Variants in TIAM1 observed in about 807,000 individuals in gnomAD.
TIAM1 encodes the protein rho guanine nucleotide exchange factor TIAM1.
TIAM1 carries 65 observed loss-of-function variants against 163.5 expected under a neutral mutation model. The ratio of observed to expected loss-of-function variants is 0.40; its 90% CI spans 0.33 to 0.49. The LOEUF (loss-of-function observed/expected upper bound fraction) is 0.49. Among genes scored for constraint, TIAM1 ranks in the 20% least tolerant of loss-of-function variants. The pLI is 0.77. For missense variants in TIAM1, 1,789 were observed against 2,044.7 expected, an observed-to-expected ratio of 0.87 and a Z score of 2.41; for synonymous variants, 833 against 810.1, an observed-to-expected ratio of 1.03 and a Z score of -0.48.
At chr21:31,338,182 G>A (rs933877607) in intron 2 of TIAM1, among the ~76,000 whole-genome samples, 7 of 152,218 alleles carry the variant, frequency 4.6e-5, no homozygotes, top group East Asian at 1.9e-4. Context: ...CAGGCAGAGC[G>A]GAGCAGCAGG....
At chr21:31,195,625 T>G (rs574860489) in intron 12 of TIAM1, among the ~76,000 whole-genome samples, 1 of 152,262 alleles carries the variant, frequency 6.6e-6, no homozygotes, top group East Asian at 1.9e-4. Context: ...AGAAAAAGTT[T>G]ATTAAAATCA....
intron 6 of TIAM1, among the ~76,000 whole-genome samples, chr21:31,241,143 C>T (rs1418590155): frequency 6.6e-6 from 1 of 152,182 alleles, no homozygotes; most frequent in Non-Finnish European, 1.5e-5. Flanking sequence ...ACTGTGAGTC[C>T]ATTAAACCTC....
intron 16 of TIAM1, among the ~76,000 whole-genome samples, chr21:31,162,350 A>G (rs1272285522): frequency 6.6e-6 from 1 of 152,256 alleles, no homozygotes; most frequent in Admixed American, 6.5e-5. Context: ...AACACACAGT[A>G]GAACCCAGCC....
intron 11 of TIAM1, among the ~76,000 whole-genome samples, chr21:31,203,485 G>A (rs561646101): frequency 7.5e-4 from 114 of 152,332 alleles, no homozygotes; most frequent in Non-Finnish European, 1.4e-3. Flanking sequence ...AGTTTACATC[G>A]TAAATGCAAA....
At chr21:31,253,911 C>T (rs2071952383) in intron 4 of TIAM1, among the ~76,000 whole-genome samples, 2 of 152,142 alleles carry the variant, frequency 1.3e-5, no homozygotes, top group Admixed American at 1.3e-4. Flanking sequence ...CATATGCTTC[C>T]CTCTTGATAC....
At chr21:31,375,488 G>A (rs1277636707) in intron 2 of TIAM1, among the ~76,000 whole-genome samples, 7 of 368 alleles carry the variant, frequency 0.019, no homozygotes, top group South Asian at 0.071. Flanking sequence ...TTTCCCCTTC[G>A]TCCACCTTTC....
intron 8 of TIAM1, among the ~76,000 whole-genome samples, chr21:31,220,658 G>A (rs2087505905): frequency 6.6e-6 from 1 of 152,160 alleles, no homozygotes; most frequent in Admixed American, 6.5e-5. Context: ...CTTATAAGCA[G>A]TAATTCTAAA....
intron 14 of TIAM1, among the ~76,000 whole-genome samples, chr21:31,185,268 C>A (rs2085226415): frequency 6.6e-6 from 1 of 151,520 alleles, no homozygotes; most frequent in South Asian, 2.1e-4. Context: ...CGAATAGAGT[C>A]CCTGTCCACC....
intron 25 of TIAM1, among the ~76,000 whole-genome samples, chr21:31,127,632 G>A (rs2082258467): frequency 6.6e-6 from 1 of 151,982 alleles, no homozygotes; most frequent in South Asian, 2.1e-4. Context: ...TGGTTAGGCT[G>A]GTCTCGAACT....
At chr21:31,312,239 T>G (rs2074957230) in intron 2 of TIAM1, among the ~76,000 whole-genome samples, 1 of 152,232 alleles carries the variant, frequency 6.6e-6, no homozygotes, top group African/African-American at 2.4e-5. Context: ...ACATCTATTC[T>G]ATTATTTCTG....
chr21:31,143,507 T>C (rs1166046551), intron 20 of TIAM1, among the ~76,000 whole-genome samples: 2 of 151,544 alleles, frequency 1.3e-5, no homozygotes, highest in African/African-American at 2.4e-5. Flanking sequence ...GTTTAAAATA[T>C]AGAAATTTAA....
chr21:31,390,420 A>G (rs562692647), intron 2 of TIAM1, among the ~76,000 whole-genome samples: 2 of 152,326 alleles, frequency 1.3e-5, no homozygotes, highest in Admixed American at 1.3e-4. Flanking sequence ...AATATCTTCC[A>G]ATTTAAACTT....
At chr21:31,519,508 CAAAA>C (rs538283897) in intron 1 of TIAM1, among the ~76,000 whole-genome samples, 2 of 82,740 alleles carry the variant, frequency 2.4e-5, no homozygotes, top group Non-Finnish European at 4.6e-5. Flanking sequence ...GATTCTGTCT[CAAAA>C]AAAAAAAAAA....
chr21:31,341,678 TATA>T (rs763046817), intron 1 of TIAM1, among the ~76,000 whole-genome samples: 187 of 152,310 alleles, frequency 1.2e-3, no homozygotes, highest in Non-Finnish European at 1.6e-3. Flanking sequence ...AAACAGAAAG[TATA>T]TTTTAATAAA....
intron 2 of TIAM1, among the ~76,000 whole-genome samples, chr21:31,311,455 C>T (rs2074926930): frequency 6.6e-6 from 1 of 152,210 alleles, no homozygotes; most frequent in African/African-American, 2.4e-5. Flanking sequence ...GGTGATTTAT[C>T]ATCACCCTTG....
At chr21:31,454,782 C>T (rs1018189753) in intron 2 of TIAM1, among the ~76,000 whole-genome samples, 1 of 152,156 alleles carries the variant, frequency 6.6e-6, no homozygotes, top group Admixed American at 6.5e-5. Context: ...CCTTGTGGAG[C>T]TGAATCAGAA....
At chr21:31,485,509 A>C (rs1187095661) in intron 1 of TIAM1, among the ~76,000 whole-genome samples, 1 of 152,094 alleles carries the variant, frequency 6.6e-6, no homozygotes, top group Admixed American at 6.5e-5. Context: ...GCAGAGAGAA[A>C]GCAAAACGCT....
At chr21:31,379,150 T>G (rs1381720275) in intron 2 of TIAM1, among the ~76,000 whole-genome samples, 1 of 152,186 alleles carries the variant, frequency 6.6e-6, no homozygotes, top group African/African-American at 2.4e-5. Context: ...TTTTGTATTT[T>G]CAGTAAAGAC....
intron 2 of TIAM1, among the ~76,000 whole-genome samples, chr21:31,298,767 T>TGTGA (rs777256501): frequency 1.7e-4 from 22 of 125,856 alleles, no homozygotes; most frequent in African/African-American, 6.9e-4. Context: ...TGTGTGTGTG[T>TGTGA]GAGAAACAGA....
Sources: allele counts gnomAD v4.1 joint callset (sites outside exome capture counted in the v4.1 genomes callset), GRCh38; gene constraint gnomAD v4.1.1; transcripts MANE v1.5; gene names NCBI Gene and HGNC (gene_info 2026-07-23, HGNC 2026-07-21).